ACACB: variants seen among roughly 807,000 people sequenced by gnomAD.
The protein encoded by ACACB is acetyl-CoA carboxylase beta, also known as acetyl-CoA carboxylase 2.
In ACACB, 209 loss-of-function variants were observed where a neutral mutation model predicts 278.8. The ratio of observed to expected loss-of-function variants is 0.75; its 90% CI spans 0.67 to 0.84. The LOEUF is 0.84. Among genes scored for constraint, ACACB ranks in the 40% least tolerant of loss-of-function variants. ACACB has a pLI of 0.00. For missense variants in ACACB, 2,850 were observed against 3,269.0 expected (o/e 0.87, Z 3.13); for synonymous variants, 1,174 against 1,285.6 (o/e 0.91, Z 1.86).
chr12:109,143,462 CA>C (rs10696128), intron 2 of ACACB, among the ~76,000 whole-genome samples: 9,442 of 103,512 alleles, frequency 0.091, 346 homozygotes, highest in East Asian at 0.31. Flanking sequence ...GACCCTGTCT[CA>C]AAAAAAAAAA....
intron 2 of ACACB, among the ~76,000 whole-genome samples, chr12:109,151,648 C>G (rs1291183282): frequency 6.6e-6 from 1 of 152,124 alleles, no homozygotes; most frequent in Non-Finnish European, 1.5e-5. Context: ...CGCTGCTGGC[C>G]ACATGCATGC....
chr12:109,222,225 G>A (rs2046188363), intron 24 of ACACB, among the ~76,000 whole-genome samples: 1 of 151,986 alleles, frequency 6.6e-6, no homozygotes, highest in Non-Finnish European at 1.5e-5. Context: ...ACGTAGGCAG[G>A]GACTTAGTTG....
intron 24 of ACACB, among the ~76,000 whole-genome samples, chr12:109,222,158 G>A (rs2046186230): frequency 6.6e-6 from 1 of 152,090 alleles, no homozygotes; most frequent in African/African-American, 2.4e-5. Context: ...CACCCAAAGT[G>A]CTGGGATTAT....
rs191642199 is a variant in ACACB, at chr12:109,177,537, G to T, written c.1437+1274G>T. 4.6e-5 allele frequency among the ~76,000 whole-genome samples: 7 copies of T among 152,282 alleles called. No homozygotes were observed. In the East Asian group the frequency reaches 1.3e-3, roughly 29 times the overall value. ...ATAAAGCAGCAGTTTCACTACCATT[G>T]TATCGCTGTTGGGGTGTACAAGTGT... On this transcript the variant is annotated intron_variant, in intron 9 of 52. Transcript: ENST00000338432.
intron 21 of ACACB, among the ~76,000 whole-genome samples, chr12:109,210,541 G>C (rs35926930): frequency 6.9e-6 from 1 of 145,080 alleles, no homozygotes; most frequent in African/African-American, 2.5e-5. Flanking sequence ...GTATATATAC[G>C]TGCATGTATA....
chr12:109,235,310 C>A lies in ACACB; in HGVS notation c.4348-3C>A. The A allele has an allele frequency of 6.2e-7, 1 of 1,613,760 alleles. No individual in the cohort carries two copies. Among genetic ancestry groups the A allele is most frequent in the Non-Finnish European group, 8.5e-7 (1 of 1,179,736 alleles). ...TCCATTGTGTCTTTGGTTTTTAATGCAGAAAAATATCCTTGTGGATTATGG... is the reference window on the plus strand; with the variant it reads ...TCCATTGTGTCTTTGGTTTTTAATGAAGAAAAATATCCTTGTGGATTATGG... On this transcript the variant is annotated splice_region_variant and splice_polypyrimidine_tract_variant and intron_variant, in intron 31 of 52. Coordinates refer to ENST00000338432, the MANE Select transcript of ACACB (RefSeq NM_001093.4).
At chr12:109,207,082 C>T (rs945719347) in intron 20 of ACACB, among the ~76,000 whole-genome samples, 9 of 152,102 alleles carry the variant, frequency 5.9e-5, no homozygotes, top group Admixed American at 3.9e-4. Context: ...CAGCCTCCCA[C>T]GTAGCTGGGA....
Position 109,253,003 on chromosome 12 carries a change from G to A in ACACB, c.5902-12G>A. The stretch of plus-strand genomic sequence containing the variant: ...CGTGCAGGACATTGCTAACCATGTT[G>A]TGTCAAAGCAGGTCCTGGGAAGAGA... On this transcript the variant is annotated splice_polypyrimidine_tract_variant and intron_variant, in intron 42 of 52. Transcript: ENST00000338432. The A allele has an allele frequency of 6.3e-7, 1 of 1,596,044 alleles. No homozygotes were observed. The highest frequency in any genetic ancestry group is 8.5e-7 in the Non-Finnish European group (1 of 1,170,640).
Position 109,216,663 on chromosome 12 carries a change from T to G in ACACB, c.3396T>G (p.Asp1132Glu). ...IRGYMKTVVL[D>E]LLRRYLRVEH... ...GCTATATGAAAACAGTGGTGTTGGA[T>G]CTCCTGAGAAGATACTTGCGTGTTG... The change falls in exon 23 of 53, where the codon GAT (aspartate) becomes GAG (glutamate). Residue 1132 changes from aspartate to glutamate, a missense_variant. Asp to Glu is a conservative substitution (Grantham distance 45, BLOSUM62 2). Around this residue, in one of 3 missense-constraint regions of ACACB, gnomAD observed 2,265 missense variants for 2,561.3 expected, o/e 0.88. Transcript: ENST00000338432. The G allele has an allele frequency of 1.2e-6, 2 of 1,614,190 alleles. No homozygotes were observed. Among genetic ancestry groups the G allele is most frequent in the South Asian group, 2.2e-5 (2 of 91,088 alleles).
chr12:109,259,113 GC>G lies in ACACB; in HGVS notation c.6496+9del, dbSNP rs779319454. 1 of 1,613,558 alleles carries G rather than the reference GC, an allele frequency of 6.2e-7. No homozygotes were observed. The highest frequency in any genetic ancestry group is 1.1e-5 in the South Asian group (1 of 91,022). On this transcript the variant is annotated splice_donor_region_variant and intron_variant, in intron 47 of 52. Coordinates refer to ENST00000338432, the MANE Select transcript of ACACB (RefSeq NM_001093.4). ...GGTTCTCCGGTGGCATGAAAGGTAA[GC>G]CCCTCCCTGCCTATGTTACCCCAAA...
chr12:109,151,197 C>T (rs1295959868), intron 2 of ACACB, among the ~76,000 whole-genome samples: 1 of 152,172 alleles, frequency 6.6e-6, no homozygotes, highest in Non-Finnish European at 1.5e-5. Context: ...GTTGTCCAGG[C>T]TGGTCTTGAA....
At chr12:109,226,041 G>A (rs2046303176) in intron 27 of ACACB, among the ~76,000 whole-genome samples, 1 of 152,020 alleles carries the variant, frequency 6.6e-6, no homozygotes, top group South Asian at 2.1e-4. Context: ...GCTGAGGTGG[G>A]AGAATCACTG....
At chr12:109,199,244 T>C (rs1318537550) in intron 17 of ACACB, among the ~76,000 whole-genome samples, 158 bp from the exon 18 acceptor site, 1 of 151,914 alleles carries the variant, frequency 6.6e-6, no homozygotes, top group Non-Finnish European at 1.5e-5. Flanking sequence ...CCCACCTCAC[T>C]CTCAGTGTCT....
intron 12 of ACACB, among the ~76,000 whole-genome samples, chr12:109,187,224 C>T (rs1002558428): frequency 6.6e-6 from 1 of 152,026 alleles, no homozygotes; most frequent in Non-Finnish European, 1.5e-5. Context: ...GCAGCAAGGG[C>T]CCTGCCCAGG....
At chr12:109,246,073 G>A (rs2046933304) in intron 38 of ACACB, 106 bp from the exon 39 acceptor site, 4 of 1,332,670 alleles carry the variant, frequency 3.0e-6, no homozygotes, top group Non-Finnish European at 4.0e-6. Flanking sequence ...CTGCGCAACA[G>A]AGCAAGACCC....
chr12:109,233,247 T>G (rs1417160587), intron 29 of ACACB, among the ~76,000 whole-genome samples: 1 of 152,256 alleles, frequency 6.6e-6, no homozygotes, highest in Non-Finnish European at 1.5e-5. Context: ...ATAATTAGTA[T>G]GCAGATAATA....
intron 46 of ACACB, 148 bp from the exon 47 acceptor site, chr12:109,258,825 G>A: frequency 9.6e-7 from 1 of 1,039,738 alleles, no homozygotes; most frequent in Non-Finnish European, 1.4e-6. Context: ...GAGGAGATGG[G>A]GCTTCCATCC....
chr12:109,144,750 C>CTTTTTTTTTTTTTTTTTTTTTTTTTTTT (rs770963307), intron 2 of ACACB, among the ~76,000 whole-genome samples: 3 of 86,772 alleles, frequency 3.5e-5, no homozygotes, highest in Middle Eastern at 9.6e-3. Context: ...TTCTTTCTTT[C>CTTTTTTTTTTTTTTTTTTTTTTTTTTTT]TTTCTTTTTT....
At position 109,258,977 on chromosome 12, in the gene ACACB, T is replaced by G; in HGVS notation, c.6365T>G (p.Ile2122Ser). ...CCCCGCAGCTCTGTGTTCCAGATAA[T>G]TCAGCAGGCAGGACAGGTGTGGTTC... ...PANLDSEAKI[I>S]QQAGQVWFPD... The change falls in exon 47 of 53, where the codon ATT becomes AGT. Residue 2122 changes from isoleucine (I) to serine (S), a missense_variant. By Grantham distance (142) the Ile-to-Ser change is moderately radical. Coordinates refer to ENST00000338432, the MANE Select transcript of ACACB (RefSeq NM_001093.4). The G allele has an allele frequency of 1.2e-6, 2 of 1,614,066 alleles. No individual in the cohort carries two copies. The highest frequency in any genetic ancestry group is 2.2e-5 in the South Asian group (2 of 91,072).
Sources: allele counts gnomAD v4.1 joint callset (sites outside exome capture counted in the v4.1 genomes callset), GRCh38; gene constraint gnomAD v4.1.1; regional missense constraint gnomAD v4.1.1; transcripts MANE v1.5; gene names NCBI Gene and HGNC (gene_info 2026-07-23, HGNC 2026-07-21).